The following TIAM2 variants were observed in gnomAD, a reference collection of about 807,000 sequenced individuals.
TIAM2 encodes rho guanine nucleotide exchange factor TIAM2.
A neutral mutation model predicts 152.9 loss-of-function variants in TIAM2; 80 were observed. The observed-to-expected ratio is 0.52, with a 90% CI of 0.44 to 0.63. The LOEUF is 0.63. TIAM2 is among the 30% of genes least tolerant of loss of function. The probability of loss-of-function intolerance (pLI) is 0.00; values close to 1 mark genes in which losing one functional copy is unlikely to be tolerated. For synonymous variants in TIAM2, 804 were observed against 838.0 expected (o/e 0.96, Z 0.70); for missense variants, 1,965 against 2,120.1 (o/e 0.93, Z 1.44).
intron 2 of TIAM2, among the ~76,000 whole-genome samples, chr6:155,094,122 T>G (rs988935185): frequency 2.1e-4 from 32 of 152,224 alleles, no homozygotes; most frequent in African/African-American, 7.2e-4. Context: ...AAAGCCAAAT[T>G]TTTAGTGTTT....
chr6:155,159,974 C>G (rs573598275), intron 7 of TIAM2, among the ~76,000 whole-genome samples: 1 of 152,164 alleles, frequency 6.6e-6, no homozygotes, highest in African/African-American at 2.4e-5. Context: ...GAAACAGAAA[C>G]AGTAGGATGT....
intron 1 of TIAM2, among the ~76,000 whole-genome samples, chr6:155,032,929 C>T (rs1158677747): frequency 6.6e-6 from 1 of 152,172 alleles, no homozygotes; most frequent in African/African-American, 2.4e-5. Flanking sequence ...AATCATTTCC[C>T]CCTGAAATTT....
Position 155,028,655 on chromosome 6 carries a change from T to C in TIAM2, c.-209+33163T>C, listed in dbSNP as rs532700554. On this transcript the variant is annotated intron_variant, in intron 1 of 26. Coordinates refer to ENST00000682666, the MANE Select transcript of TIAM2 (RefSeq NM_012454.4). ...TACTGTGTTATATATATACTACATA[T>C]AATATATATACTGTGTTATATATAT... 5.8e-4 allele frequency among the ~76,000 whole-genome samples: 77 copies of C among 132,936 alleles called. 2 individuals are homozygous for C. Among genetic ancestry groups the C allele is most frequent in the African/African-American group, 1.9e-3 (69 of 35,418 alleles). 87.2% of individuals were successfully genotyped at this position (132,936 alleles called of 152,430 possible).
chr6:155,256,983 C>A lies in TIAM2; in HGVS notation c.4968C>A (p.His1656Gln), dbSNP rs753437901. Reference sequence around the variant, plus strand: ...CTTTGCTCAAGGCGCAGATCCGTCACCAGTCCCTTGACAGTCAGTCTGAAA... The same window carrying A: ...CTTTGCTCAAGGCGCAGATCCGTCAACAGTCCCTTGACAGTCAGTCTGAAA... ...RGTLLKAQIRHQSLDSQSENA... is the reference protein window; with the variant it reads ...RGTLLKAQIRQQSLDSQSENA... Residue 1656 changes from histidine to glutamine, a missense_variant, in exon 27 of 27, where the codon CAC becomes CAA. This residue lies in a region of TIAM2 where 935 missense variants were observed against 980.0 expected (regional missense o/e 0.95). Transcript: ENST00000682666. The A allele has an allele frequency of 6.2e-7, 1 of 1,614,164 alleles. No homozygotes were observed. The highest frequency in any genetic ancestry group is 8.5e-7 in the Non-Finnish European group (1 of 1,180,032).
At chr6:155,037,249 T>C (rs776150229) in intron 1 of TIAM2, among the ~76,000 whole-genome samples, 9 of 152,200 alleles carry the variant, frequency 5.9e-5, no homozygotes, top group Non-Finnish European at 1.3e-4. Context: ...TGACCTCGAA[T>C]AGAGTTGTGA....
chr6:155,215,711 T>A (rs1251054106), intron 15 of TIAM2, among the ~76,000 whole-genome samples: 3 of 143,114 alleles, frequency 2.1e-5, no homozygotes, highest in Admixed American at 7.0e-5. Context: ...GTGGTTTTTT[T>A]AAAAAAAAAT....
At chr6:155,083,130 C>T (rs544085476) in intron 1 of TIAM2, among the ~76,000 whole-genome samples, 1 of 152,002 alleles carries the variant, frequency 6.6e-6, no homozygotes, top group African/African-American at 2.4e-5. Flanking sequence ...GGTGGATCAC[C>T]TGAGGTCAGG....
At chr6:155,234,428 C>G (rs1328126165) in intron 15 of TIAM2, among the ~76,000 whole-genome samples, 1 of 152,238 alleles carries the variant, frequency 6.6e-6, no homozygotes, top group Non-Finnish European at 1.5e-5. Flanking sequence ...GCCACCACAG[C>G]CAGCTAATCT....
chr6:155,041,234 A>G (rs970394753), intron 1 of TIAM2, among the ~76,000 whole-genome samples: 3 of 152,194 alleles, frequency 2.0e-5, no homozygotes, highest in Non-Finnish European at 2.9e-5. Context: ...TGACCACTTG[A>G]GTTATAGAAA....
rs1779574314 is a variant in TIAM2 at position 155,137,162 on chromosome 6, G to T, written c.1195-15G>T. The stretch of plus-strand genomic sequence containing the variant: ...GCCGTAAGCTCTGATGGGTGATCAT[G>T]TGTGTTTCTCACAGGAGCCGAGGTC... On this transcript the variant is annotated splice_polypyrimidine_tract_variant and intron_variant, in intron 4 of 26. Coordinates refer to ENST00000682666, the MANE Select transcript of TIAM2 (RefSeq NM_012454.4). 4 of 1,608,630 alleles carry T rather than the reference G, an allele frequency of 2.5e-6. No individual in the cohort carries two copies. Among genetic ancestry groups the T allele is most frequent in the Non-Finnish European group, 3.4e-6 (4 of 1,176,398 alleles).
chr6:155,122,374 G>C (rs1200204637), intron 2 of TIAM2, among the ~76,000 whole-genome samples: 2 of 149,150 alleles, frequency 1.3e-5, no homozygotes, highest in African/African-American at 5.1e-5. Context: ...TAGGATTTTG[G>C]GGATTGGGAG....
intron 25 of TIAM2, 123 bp downstream of exon 25, chr6:155,254,183 G>C: frequency 8.7e-7 from 1 of 1,155,584 alleles, no homozygotes; most frequent in African/African-American, 1.6e-5. Context: ...CCCACCCTCC[G>C]AAAAAGGCAA....
At position 155,156,544 on chromosome 6, in the gene TIAM2, G is replaced by C. The variant is rs1042960503; in HGVS notation, c.2029-7871G>C. Among the ~76,000 whole-genome samples the C allele has an allele frequency of 7.9e-5, 12 of 152,208 alleles. No individual in the cohort carries two copies. The highest frequency in any genetic ancestry group is 2.6e-4 in the African/African-American group (11 of 41,528). Reference sequence around the variant, plus strand: ...GTCGTGGCGCATACCTGTAATCCCAGCTACTCGGGAGGCTGAGGCAGGAGA... The same window carrying C: ...GTCGTGGCGCATACCTGTAATCCCACCTACTCGGGAGGCTGAGGCAGGAGA... On this transcript the variant is annotated intron_variant, in intron 7 of 26. Coordinates refer to ENST00000682666, the MANE Select transcript of TIAM2 (RefSeq NM_012454.4). This position sits in a 1 kb window ranked among gnomAD's most constrained non-coding sequence, Gnocchi z 4.4.
At position 155,257,188 on chromosome 6, in the gene TIAM2, TGCA is replaced by T; in HGVS notation, c.*68_*70del. On this transcript the variant is annotated 3_prime_UTR_variant, in exon 27 of 27. Coordinates refer to ENST00000682666, the MANE Select transcript of TIAM2 (RefSeq NM_012454.4). ...TTTAAACTGGTGGTAAAGTGGAAATTGCAAAAAAAAAAAAAAAAAAAAACTGTT... is the reference window on the plus strand; with the variant it reads ...TTTAAACTGGTGGTAAAGTGGAAATTAAAAAAAAAAAAAAAAAAAACTGTT... The T allele has an allele frequency of 1.1e-6, 1 of 910,508 alleles. No individual in the cohort carries two copies. The highest frequency in any genetic ancestry group is 2.4e-5 in the African/African-American group (1 of 41,056). The allele number at this position is 910,508 out of a possible 1,614,324, so 56.4% of individuals were successfully genotyped here. A position where few individuals can be genotyped will look rare whatever the true frequency, so the allele number is the denominator to read the frequency against.
intron 1 of TIAM2, among the ~76,000 whole-genome samples, chr6:155,021,560 C>A (rs1562292238): frequency 6.6e-6 from 1 of 152,102 alleles, no homozygotes; most frequent in Non-Finnish European, 1.5e-5. Context: ...CCGCGCCCAG[C>A]CAGAATTCTA....
At chr6:155,104,523 C>T (rs1224745225) in intron 2 of TIAM2, among the ~76,000 whole-genome samples, 24 of 152,174 alleles carry the variant, frequency 1.6e-4, no homozygotes, top group East Asian at 1.9e-4. Flanking sequence ...TTTGGGAGGC[C>T]AAGGTGGGCA....
At chr6:155,080,897 G>A (rs1415235937) in intron 1 of TIAM2, among the ~76,000 whole-genome samples, 5 of 152,184 alleles carry the variant, frequency 3.3e-5, no homozygotes, top group South Asian at 2.1e-4. Context: ...AGAGGGCAGC[G>A]TGACAGTTGA....
At chr6:155,230,102 A>G (rs1461668110) in intron 15 of TIAM2, among the ~76,000 whole-genome samples, 2 of 151,706 alleles carry the variant, frequency 1.3e-5, no homozygotes, top group Non-Finnish European at 2.9e-5. Context: ...TCCACCACAT[A>G]GCCCATCATG....
chr6:155,074,764 G>A (rs180837360), intron 1 of TIAM2, among the ~76,000 whole-genome samples: 98 of 147,716 alleles, frequency 6.6e-4, no homozygotes, highest in Middle Eastern at 7.1e-3. Flanking sequence ...TAAAGCCACT[G>A]ATGCACTTTA....
Sources: allele counts gnomAD v4.1 joint callset (sites outside exome capture counted in the v4.1 genomes callset), GRCh38; gene constraint gnomAD v4.1.1; regional missense constraint gnomAD v4.1.1; non-coding constraint Gnocchi (gnomAD v3.1); transcripts MANE v1.5; gene names NCBI Gene and HGNC (gene_info 2026-07-23, HGNC 2026-07-21).